The following ADCY5 variants were observed in gnomAD, a reference collection of about 807,000 sequenced individuals.
ADCY5 encodes adenylate cyclase type 5.
ADCY5 carries 30 observed loss-of-function variants against 119.7 expected under a neutral mutation model. The observed-to-expected ratio is 0.25, with a 90% CI of 0.19 to 0.34. ADCY5 has a LOEUF of 0.34. ADCY5 is among the 10% of genes least tolerant of loss of function. The pLI is 1.00. For missense variants in ADCY5, 1,324 were observed against 1,775.2 expected (o/e 0.75, Z 4.57); for synonymous variants, 753 against 762.2 (o/e 0.99, Z 0.20).
chr3:123,368,503 A>T (rs1312928829), intron 1 of ADCY5, among the ~76,000 whole-genome samples: 2 of 152,244 alleles, frequency 1.3e-5, no homozygotes, highest in Non-Finnish European at 2.9e-5. Context: ...AGGCTAAGCC[A>T]GGAGAATTGC....
At chr3:123,339,374 A>G (rs1942171388) in intron 3 of ADCY5, among the ~76,000 whole-genome samples, 1 of 152,160 alleles carries the variant, frequency 6.6e-6, no homozygotes, top group Non-Finnish European at 1.5e-5. Context: ...CACTGGGCTG[A>G]GGTCAGACAC....
At chr3:123,401,807 C>T (rs958163681) in intron 1 of ADCY5, among the ~76,000 whole-genome samples, 4 of 152,064 alleles carry the variant, frequency 2.6e-5, no homozygotes, top group South Asian at 2.1e-4. Flanking sequence ...TAGCTCTTAC[C>T]GAACCTACCT....
At chr3:123,419,662 T>G (rs112151963) in intron 1 of ADCY5, among the ~76,000 whole-genome samples, 3 of 152,268 alleles carry the variant, frequency 2.0e-5, no homozygotes, top group African/African-American at 7.2e-5. Context: ...GAAGACTCTG[T>G]GTACCCGGAC....
rs1040453422 is a variant in ADCY5 at position 123,286,225 on chromosome 3, C to T, written c.3657+460G>A. Among the ~76,000 whole-genome samples, 2 of 152,168 alleles carry T rather than the reference C, an allele frequency of 1.3e-5. No homozygotes were observed. Among genetic ancestry groups the T allele is most frequent in the East Asian group, 1.9e-4 (1 of 5,186 alleles). On this transcript the variant is annotated intron_variant, in intron 20 of 20. Coordinates refer to ENST00000462833, the MANE Select transcript of ADCY5 (RefSeq NM_183357.3). The surrounding 1 kb of genome is among the most constrained non-coding windows in gnomAD (Gnocchi z 4.2). Reference sequence around the variant, plus strand: ...AGGCCTCTGAGTCTGTGGCCAGGGCCCTTGGCTGCTGGGGCTGGGGGAGGT... The same window carrying T: ...AGGCCTCTGAGTCTGTGGCCAGGGCTCTTGGCTGCTGGGGCTGGGGGAGGT...
At chr3:123,418,957 T>G (rs1945241866) in intron 1 of ADCY5, 1 of 168,164 alleles carries the variant, frequency 5.9e-6, no homozygotes, top group South Asian at 2.0e-4. Flanking sequence ...TTGTCTCTCC[T>G]GGGTTTCAGG....
intron 1 of ADCY5, among the ~76,000 whole-genome samples, chr3:123,391,312 C>T (rs1460837509): frequency 6.6e-6 from 1 of 152,008 alleles, no homozygotes; most frequent in African/African-American, 2.4e-5. Context: ...CAAACCCCCC[C>T]TTTCCAGCCT....
intron 13 of ADCY5, among the ~76,000 whole-genome samples, 174 bp downstream of exon 13, chr3:123,303,893 G>GAAGAGAAGAAAAGAA (rs746945989): frequency 9.4e-5 from 11 of 117,186 alleles, no homozygotes; most frequent in African/African-American, 2.8e-4. Context: ...GAAGAGAAGA[G>GAAGAGAAGAAAAGAA]AAGAAAGAAC....
intron 1 of ADCY5, among the ~76,000 whole-genome samples, chr3:123,428,029 A>T (rs1945447823): frequency 6.6e-6 from 1 of 152,208 alleles, no homozygotes; most frequent in Non-Finnish European, 1.5e-5. Flanking sequence ...AAATGGAGGG[A>T]CAGTGACTAG....
rs1347691792 is a variant in ADCY5 at position 123,309,199 on chromosome 3, G to A, written c.2443-5016C>T. ...CCCCTGTCTGTGATGCGGGGCCAGG[G>A]TATTGCAAAGATAAAAGGAGGGGAT... On this transcript the variant is annotated intron_variant, in intron 12 of 20. Coordinates refer to ENST00000462833, the MANE Select transcript of ADCY5 (RefSeq NM_183357.3). Among the ~76,000 whole-genome samples, 3 of 152,164 alleles carry A rather than the reference G, an allele frequency of 2.0e-5. No homozygotes were observed. In the East Asian group the frequency reaches 5.8e-4, roughly 29 times the overall value.
intron 15 of ADCY5, among the ~76,000 whole-genome samples, chr3:123,299,122 T>C (rs1238261719): frequency 6.6e-6 from 1 of 152,238 alleles, no homozygotes; most frequent in Non-Finnish European, 1.5e-5. Flanking sequence ...ATCATGAAGT[T>C]GTACCGATTG....
At chr3:123,442,290 A>C (rs919459322) in intron 1 of ADCY5, among the ~76,000 whole-genome samples, 3 of 152,208 alleles carry the variant, frequency 2.0e-5, no homozygotes, top group Non-Finnish European at 4.4e-5. Context: ...ACAGCAAGGC[A>C]CTCAGCAAGA....
chr3:123,397,310 G>A (rs957124897), intron 1 of ADCY5, among the ~76,000 whole-genome samples: 13 of 152,162 alleles, frequency 8.5e-5, no homozygotes, highest in Non-Finnish European at 2.9e-5. Context: ...GACTGCCAAG[G>A]AAAGGAATGG....
chr3:123,384,403 T>C (rs6803102), intron 1 of ADCY5, among the ~76,000 whole-genome samples: 71,756 of 151,702 alleles, frequency 0.47, 17,693 homozygotes, highest in East Asian at 0.68. Context: ...TCGCCCTGGG[T>C]CAGGGCGAGT....
At chr3:123,440,937 C>T (rs1244321403) in intron 1 of ADCY5, among the ~76,000 whole-genome samples, 8 of 152,220 alleles carry the variant, frequency 5.3e-5, no homozygotes, top group Non-Finnish European at 1.2e-4. Context: ...TGCATTAGTG[C>T]ACACTCACCA....
At chr3:123,370,223 T>C (rs1023418717) in intron 1 of ADCY5, among the ~76,000 whole-genome samples, 12 of 152,218 alleles carry the variant, frequency 7.9e-5, no homozygotes, top group African/African-American at 2.9e-4. Context: ...GTCCAAGTGA[T>C]GGACTATAGA....
At position 123,304,627 on chromosome 3, in the gene ADCY5, G is replaced by A. The variant is rs1940099142; in HGVS notation, c.2443-444C>T. On this transcript the variant is annotated intron_variant, in intron 12 of 20. Coordinates refer to ENST00000462833, the MANE Select transcript of ADCY5 (RefSeq NM_183357.3). ...GGGCAGCGGTGAGTTTAAGGATTTG[G>A]AGAGGACTAGGCCTCTGGGCTCGGG... Among the ~76,000 whole-genome samples the A allele has an allele frequency of 2.6e-5, 4 of 152,200 alleles. No homozygotes were observed. The South Asian group carries it at 8.3e-4, about 32-fold the overall frequency.
intron 1 of ADCY5, among the ~76,000 whole-genome samples, chr3:123,434,295 A>T (rs758207542): frequency 6.6e-6 from 1 of 152,232 alleles, no homozygotes; most frequent in Non-Finnish European, 1.5e-5. Context: ...TCAGCATCAC[A>T]GGTCTGTAAC....
chr3:123,436,277 G>A (rs1025114909), intron 1 of ADCY5, among the ~76,000 whole-genome samples: 1 of 152,014 alleles, frequency 6.6e-6, no homozygotes, highest in Admixed American at 6.6e-5. Flanking sequence ...GGAGGCTGAG[G>A]TGGGAGGATT....
chr3:123,299,696 C>T (rs1053330218), intron 15 of ADCY5, among the ~76,000 whole-genome samples: 1 of 152,226 alleles, frequency 6.6e-6, no homozygotes, highest in African/African-American at 2.4e-5. Flanking sequence ...TGAGTTGCTG[C>T]AGGAGGAAGA....
Sources: allele counts gnomAD v4.1 joint callset (sites outside exome capture counted in the v4.1 genomes callset), GRCh38; gene constraint gnomAD v4.1.1; non-coding constraint Gnocchi (gnomAD v3.1); transcripts MANE v1.5; gene names NCBI Gene and HGNC (gene_info 2026-07-23, HGNC 2026-07-21).